TMEM132C: variants seen among roughly 807,000 people sequenced by gnomAD.
TMEM132C encodes the protein transmembrane protein 132C.
Under a neutral mutation model 61.4 loss-of-function variants are expected in TMEM132C, and 29 were observed. The ratio of observed to expected loss-of-function variants is 0.47; its 90% CI spans 0.35 to 0.64. The LOEUF is 0.64. Among genes scored for constraint, TMEM132C ranks in the 30% least tolerant of loss-of-function variants. The probability of loss-of-function intolerance (pLI) is 0.00; values close to 1 mark genes in which losing one functional copy is unlikely to be tolerated. For missense variants in TMEM132C, 1,408 were observed against 1,476.9 expected (o/e 0.95, Z 0.76); for synonymous variants, 656 against 633.1 (o/e 1.04, Z -0.54).
intron 2 of TMEM132C, among the ~76,000 whole-genome samples, chr12:128,493,146 G>T (rs1203451236): frequency 6.6e-6 from 1 of 152,274 alleles, no homozygotes; most frequent in Non-Finnish European, 1.5e-5. Context: ...GTTTGTCAAA[G>T]ATCAGATGGT....
intron 2 of TMEM132C, among the ~76,000 whole-genome samples, chr12:128,480,991 C>T (rs1200143221): frequency 1.3e-5 from 2 of 152,212 alleles, no homozygotes; most frequent in East Asian, 1.9e-4. Flanking sequence ...TTGCACTGTT[C>T]CCAGCATCTC....
intron 1 of TMEM132C, among the ~76,000 whole-genome samples, chr12:128,391,591 T>G (rs926717715): frequency 5.9e-5 from 9 of 152,236 alleles, no homozygotes; most frequent in African/African-American, 2.2e-4. Flanking sequence ...GTTTTAATTG[T>G]TTTATATGCA....
At position 128,415,660 on chromosome 12, in the gene TMEM132C, C is replaced by G. The variant is rs1175663157; in HGVS notation, c.974+40C>G. On this transcript the variant is annotated intron_variant, in intron 2 of 8. Coordinates refer to ENST00000435159, the MANE Select transcript of TMEM132C (RefSeq NM_001136103.3). This position sits in a 1 kb window ranked among gnomAD's most constrained non-coding sequence, Gnocchi z 5.8. ...TTGCCCCTGATCATCTTTGGCATGC[C>G]TGGTGTGAGACTGGGTTCCATGCGT... 1.4e-6 allele frequency: 2 copies of G among 1,476,422 alleles called. No individual in the cohort carries two copies. Among genetic ancestry groups the G allele is most frequent in the East Asian group, 2.5e-5 (1 of 40,044 alleles). 91.5% of individuals were successfully genotyped at this position (1,476,422 alleles called of 1,614,324 possible). A position where few individuals can be genotyped will look rare whatever the true frequency, so the allele number is the denominator to read the frequency against.
chr12:128,371,833 C>T lies in TMEM132C; in HGVS notation c.86-42899C>T, dbSNP rs140320774. The stretch of plus-strand genomic sequence containing the variant: ...GCCTCAGGTTATCCTCACTTCTCAG[C>T]CTCCCAAAGCACCAGGATTACAGAC... On this transcript the variant is annotated intron_variant, in intron 1 of 8. Coordinates refer to ENST00000435159, the MANE Select transcript of TMEM132C (RefSeq NM_001136103.3). 2.4e-3 allele frequency among the ~76,000 whole-genome samples: 358 copies of T among 152,298 alleles called. 2 individuals carry two copies. Among genetic ancestry groups the T allele is most frequent in the African/African-American group, 8.3e-3 (343 of 41,558 alleles).
chr12:128,277,001 C>T (rs1294707393), intron 1 of TMEM132C, among the ~76,000 whole-genome samples: 1 of 152,048 alleles, frequency 6.6e-6, no homozygotes, highest in Non-Finnish European at 1.5e-5. Context: ...AAAGAAAAAG[C>T]TCTTACTTAT....
intron 3 of TMEM132C, among the ~76,000 whole-genome samples, chr12:128,552,921 CA>C (rs376996076): frequency 7.4e-5 from 11 of 147,720 alleles, no homozygotes; most frequent in African/African-American, 2.1e-4. Flanking sequence ...AACAAACAAA[CA>C]AAAAAAAAGC....
intron 4 of TMEM132C, among the ~76,000 whole-genome samples, chr12:128,651,120 T>C (rs1954264566): frequency 6.6e-6 from 1 of 152,242 alleles, no homozygotes; most frequent in Non-Finnish European, 1.5e-5. Context: ...AGCCCCATCC[T>C]TCTTGGGGTT....
chr12:128,359,330 A>AT (rs1873621866), intron 1 of TMEM132C, among the ~76,000 whole-genome samples: 1 of 152,182 alleles, frequency 6.6e-6, no homozygotes, highest in Non-Finnish European at 1.5e-5. Context: ...AAGAGAGAGC[A>AT]TGTGCAGGGG....
intron 1 of TMEM132C, among the ~76,000 whole-genome samples, chr12:128,290,244 G>T (rs1278021738): frequency 6.6e-6 from 1 of 152,146 alleles, no homozygotes; most frequent in Non-Finnish European, 1.5e-5. Context: ...TTGACTCACA[G>T]TTCTGCAGGC....
chr12:128,687,959 A>G (rs1483522510), intron 5 of TMEM132C, among the ~76,000 whole-genome samples: 1 of 152,062 alleles, frequency 6.6e-6, no homozygotes, highest in Admixed American at 6.6e-5. Flanking sequence ...CACCCCTTGG[A>G]TCAGCAATCC....
At chr12:128,301,414 G>T (rs775080151) in intron 1 of TMEM132C, among the ~76,000 whole-genome samples, 2 of 152,084 alleles carry the variant, frequency 1.3e-5, no homozygotes, top group East Asian at 1.9e-4. Flanking sequence ...GTATCTCAAA[G>T]AATTAAATAT....
intron 1 of TMEM132C, among the ~76,000 whole-genome samples, chr12:128,344,355 T>C (rs772062462): frequency 9.2e-5 from 14 of 152,166 alleles, no homozygotes; most frequent in Non-Finnish European, 1.8e-4. Context: ...AGACAGGGTT[T>C]CACCGTGTTA....
At chr12:128,313,874 A>C (rs576933056) in intron 1 of TMEM132C, among the ~76,000 whole-genome samples, 1 of 152,242 alleles carries the variant, frequency 6.6e-6, no homozygotes, top group South Asian at 2.1e-4. Flanking sequence ...ATGGCCAAGC[A>C]TGTGGGGATT....
intron 4 of TMEM132C, among the ~76,000 whole-genome samples, chr12:128,632,916 A>AT (rs1869579185): frequency 6.6e-6 from 1 of 152,076 alleles, no homozygotes; most frequent in Admixed American, 6.5e-5. Flanking sequence ...GATCAAAACT[A>AT]TTTTTCTAAT....
intron 2 of TMEM132C, among the ~76,000 whole-genome samples, chr12:128,533,951 A>G (rs1489258467): frequency 1.3e-5 from 1 of 77,156 alleles, no homozygotes; most frequent in African/African-American, 6.7e-5. Flanking sequence ...GCGCACATAC[A>G]CACACACACA....
At chr12:128,551,668 G>C (rs1422202800) in intron 3 of TMEM132C, among the ~76,000 whole-genome samples, 1 of 152,202 alleles carries the variant, frequency 6.6e-6, no homozygotes, top group Non-Finnish European at 1.5e-5. Context: ...AAAGCACATA[G>C]AGAGCGTGCT....
intron 1 of TMEM132C, among the ~76,000 whole-genome samples, chr12:128,396,545 CAT>C (rs1421232524): frequency 5.9e-5 from 9 of 152,114 alleles, no homozygotes; most frequent in Non-Finnish European, 1.2e-4. Context: ...ACATTCTGCA[CAT>C]GTATCTCAGA....
chr12:128,512,430 G>A (rs1230376794), intron 2 of TMEM132C, among the ~76,000 whole-genome samples: 1 of 152,010 alleles, frequency 6.6e-6, no homozygotes, highest in Non-Finnish European at 1.5e-5. Flanking sequence ...TTCCATATCA[G>A]TATATCCATT....
intron 8 of TMEM132C, among the ~76,000 whole-genome samples, chr12:128,698,658 C>T (rs1954782502): frequency 6.6e-6 from 1 of 152,246 alleles, no homozygotes; most frequent in Non-Finnish European, 1.5e-5. Flanking sequence ...ATTATGATCA[C>T]TATTTTAGTG....
Sources: gnomAD v4.1 joint callset for allele counts (sites outside exome capture counted in the v4.1 genomes callset) on GRCh38, gnomAD v4.1.1 for gene constraint, Gnocchi (gnomAD v3.1) non-coding constraint, MANE v1.5 for transcripts, NCBI Gene and HGNC (gene_info 2026-07-23, HGNC 2026-07-21) for gene names.